Variants in OSBP2 observed in about 807,000 individuals in gnomAD.
OSBP2 encodes the protein oxysterol-binding protein 2.
In OSBP2, 66 loss-of-function variants were observed where a neutral mutation model predicts 96.0. The observed-to-expected ratio is 0.69, with a 90% confidence interval of 0.56 to 0.84. The LOEUF (loss-of-function observed/expected upper bound fraction) is 0.84. Ranked by LOEUF, OSBP2 falls within the 40% of genes least tolerant of loss-of-function variation. OSBP2 has a pLI of 0.00. For missense variants in OSBP2, 1,038 were observed against 1,222.7 expected, an observed-to-expected ratio of 0.85 and a Z score of 2.25; for synonymous variants, 525 against 520.9, an observed-to-expected ratio of 1.01 and a Z score of -0.11.
intron 3 of OSBP2, among the ~76,000 whole-genome samples, chr22:30,880,674 C>T (rs1403057454): frequency 1.3e-5 from 2 of 152,184 alleles, no homozygotes; most frequent in African/African-American, 4.8e-5. Flanking sequence ...GGGACCCAGG[C>T]TAGCTGACCT....
chr22:30,788,904 G>GACACA (rs2090634725), intron 2 of OSBP2, among the ~76,000 whole-genome samples: 2 of 152,008 alleles, frequency 1.3e-5, no homozygotes, highest in African/African-American at 4.8e-5. Context: ...GTAGAGTTGG[G>GACACA]GTTTCGCCAT....
chr22:30,730,462 A>G (rs899989549), intron 1 of OSBP2, among the ~76,000 whole-genome samples: 7 of 152,098 alleles, frequency 4.6e-5, no homozygotes, highest in African/African-American at 1.7e-4. Context: ...AAGCTAGACC[A>G]TTGAGGCCAG....
At chr22:30,794,811 C>T (rs758539631) in intron 2 of OSBP2, among the ~76,000 whole-genome samples, 122 of 151,664 alleles carry the variant, frequency 8.0e-4, no homozygotes, top group Middle Eastern at 3.4e-3. Flanking sequence ...AAAAAATTCC[C>T]GTTACTTTTC....
intron 2 of OSBP2, among the ~76,000 whole-genome samples, chr22:30,860,697 T>C (rs1173644267): frequency 3.3e-5 from 5 of 152,200 alleles, no homozygotes; most frequent in African/African-American, 1.2e-4. Flanking sequence ...ACCACAGAGC[T>C]GGATCTAGGG....
chr22:30,694,725 G>A (rs2088987404), upstream of OSBP2: 4 of 361,234 alleles, frequency 1.1e-5, no homozygotes, highest in Non-Finnish European at 1.5e-5. Context: ...TCCAAACATG[G>A]CCCGAGGCTG....
At chr22:30,819,241 C>A (rs1467498474) in intron 2 of OSBP2, among the ~76,000 whole-genome samples, 1 of 152,116 alleles carries the variant, frequency 6.6e-6, no homozygotes, top group Non-Finnish European at 1.5e-5. Flanking sequence ...AGACTGAGAC[C>A]AGAGAATGGC....
At chr22:30,817,043 A>AT (rs1367082743) in intron 2 of OSBP2, among the ~76,000 whole-genome samples, 5 of 152,248 alleles carry the variant, frequency 3.3e-5, no homozygotes, top group African/African-American at 1.2e-4. Flanking sequence ...CCCCCATTTC[A>AT]ATTTTCTGAT....
At chr22:30,861,313 C>A (rs967491793) in intron 2 of OSBP2, among the ~76,000 whole-genome samples, 1 of 152,084 alleles carries the variant, frequency 6.6e-6, no homozygotes, top group South Asian at 2.1e-4. Flanking sequence ...CAGGCCCCAC[C>A]CTGGCCTTGG....
intron 2 of OSBP2, among the ~76,000 whole-genome samples, chr22:30,756,679 C>T (rs562529192): frequency 5.3e-5 from 8 of 152,000 alleles, no homozygotes; most frequent in African/African-American, 1.4e-4. Flanking sequence ...GACGACAGAG[C>T]GAGACTCCAT....
At chr22:30,862,801 G>A (rs554298498) in intron 2 of OSBP2, among the ~76,000 whole-genome samples, 8 of 151,034 alleles carry the variant, frequency 5.3e-5, no homozygotes, top group Non-Finnish European at 1.2e-4. Context: ...GTGAAACCCC[G>A]TCTCTACTAA....
At chr22:30,775,298 A>G (rs1360037115) in intron 2 of OSBP2, among the ~76,000 whole-genome samples, 1 of 152,170 alleles carries the variant, frequency 6.6e-6, no homozygotes, top group Non-Finnish European at 1.5e-5. Flanking sequence ...TCTCTAAAAA[A>G]CAAGGAGTCT....
At chr22:30,838,316 A>G (rs2038678409) in intron 2 of OSBP2, among the ~76,000 whole-genome samples, 1 of 152,206 alleles carries the variant, frequency 6.6e-6, no homozygotes, top group Non-Finnish European at 1.5e-5. Context: ...TGGGGATGTG[A>G]TTGCATAATA....
At position 30,695,124 on chromosome 22, in the gene OSBP2, C is replaced by T; in HGVS notation, c.215C>T (p.Ala72Val). ...RGPLSEQVSE[A>V]VSEAVPRSEP... ...CCGCTGTCAGAACAGGTGTCGGAGG[C>T]AGTTTCGGAGGCAGTGCCAAGATCG... The change falls in exon 1 of 14, where the codon GCA (alanine) becomes GTA (valine). Residue 72 changes from alanine to valine, a missense_variant. By Grantham distance (64) the Ala-to-Val change is moderately conservative (BLOSUM62 0). This residue lies in a region of OSBP2 where 281 missense variants were observed against 273.4 expected (regional missense o/e 1.03). Transcript: ENST00000332585. 6.3e-7 allele frequency: 1 copy of T among 1,596,526 alleles called. No individual in the cohort carries two copies. The highest frequency in any genetic ancestry group is 8.5e-7 in the Non-Finnish European group (1 of 1,170,134).
chr22:30,720,634 C>G (rs1569096029), intron 1 of OSBP2, among the ~76,000 whole-genome samples: 1 of 152,162 alleles, frequency 6.6e-6, no homozygotes, highest in African/African-American at 2.4e-5. Context: ...CCTTCACTTT[C>G]CTTATCTGTC....
Position 30,840,316 on chromosome 22 carries a change from AG to A in OSBP2, c.854-30112del, listed in dbSNP as rs2038725056. On this transcript the variant is annotated intron_variant, in intron 2 of 13. Transcript: ENST00000332585. The stretch of plus-strand genomic sequence containing the variant: ...TTAAATAAACCTGTTAAAAAAAAAA[AG>A]AAAAAGGAAAAAAAAAAAGAAAGCT... Among the ~76,000 whole-genome samples, 34 of 144,086 alleles carry A rather than the reference AG, an allele frequency of 2.4e-4. 4 individuals carry two copies. Among genetic ancestry groups the A allele is most frequent in the Admixed American group, 1.6e-3 (23 of 14,238 alleles). The allele number at this position is 144,086 out of a possible 152,430, so 94.5% of individuals were successfully genotyped here.
chr22:30,883,101 T>C (rs892892398), intron 3 of OSBP2, among the ~76,000 whole-genome samples: 1 of 152,320 alleles, frequency 6.6e-6, no homozygotes, highest in South Asian at 2.1e-4. Context: ...TGTAGGAGAC[T>C]GGCAGGAAGT....
chr22:30,776,524 A>G (rs1334433878), intron 2 of OSBP2, among the ~76,000 whole-genome samples: 1 of 151,940 alleles, frequency 6.6e-6, no homozygotes, highest in Non-Finnish European at 1.5e-5. Context: ...ATTCAGTTGC[A>G]TTCTGGTTGT....
chr22:30,905,891 G>C lies in OSBP2; in HGVS notation c.2430G>C (p.Glu810Asp). The stretch of plus-strand genomic sequence containing the variant: ...CAGAGCTGGCCCTGACCCTCAACGA[G>C]CACGAGGAGGGCGTAGCGCCAACCG... ...YFSELALTLN[E>D]HEEGVAPTDS... The change falls in exon 13 of 14, where the codon GAG becomes GAC. Residue 810 changes from glutamate (E) to aspartate (D), a missense_variant. By Grantham distance (45) the Glu-to-Asp change is conservative. Coordinates refer to ENST00000332585, the MANE Select transcript of OSBP2 (RefSeq NM_030758.4). 1.2e-6 allele frequency: 2 copies of C among 1,613,368 alleles called. No individual in the cohort carries two copies.
chr22:30,704,456 G>T (rs372554017), intron 1 of OSBP2, among the ~76,000 whole-genome samples: 4 of 151,960 alleles, frequency 2.6e-5, no homozygotes, highest in African/African-American at 9.7e-5. Context: ...CTGGGAGTTC[G>T]TCATGTGGGC....
Sources: allele counts gnomAD v4.1 joint callset (sites outside exome capture counted in the v4.1 genomes callset), GRCh38; gene constraint gnomAD v4.1.1; regional missense constraint gnomAD v4.1.1; transcripts MANE v1.5; gene names NCBI Gene and HGNC (gene_info 2026-07-23, HGNC 2026-07-21).